Variants in PIK3CD observed in about 807,000 individuals in gnomAD.
PIK3CD encodes the protein phosphatidylinositol 4,5-bisphosphate 3-kinase catalytic subunit delta isoform.
In PIK3CD, 20 loss-of-function variants were observed where a neutral mutation model predicts 122.9. The ratio of observed to expected loss-of-function variants is 0.16; its 90% CI spans 0.11 to 0.24. The LOEUF is 0.24. Ranked by LOEUF, PIK3CD falls within the 10% of genes least tolerant of loss-of-function variation. The probability of loss-of-function intolerance (pLI) is 1.00; values close to 1 mark genes in which losing one functional copy is unlikely to be tolerated. For missense variants in PIK3CD, 787 were observed against 1,406.3 expected, an observed-to-expected ratio of 0.56 and a Z score of 7.04; for synonymous variants, 596 against 593.4, an observed-to-expected ratio of 1.00 and a Z score of -0.06.
In PIK3CD at chr1:9,686,085, G is replaced by C. The variant is rs556449690; in HGVS notation, c.-137-5382G>C. Among the ~76,000 whole-genome samples, 7 of 152,304 alleles carry C rather than the reference G, an allele frequency of 4.6e-5. No individual in the cohort carries two copies. In the East Asian group the frequency reaches 1.3e-3, roughly 29 times the overall value. On this transcript the variant is annotated intron_variant, in intron 1 of 23. Transcript: ENST00000377346. ...CACACATCACAAAGTGTCAGGAGAG[G>C]GAGAAGTGACTGATGCAGCAAATAC... is the stretch of plus-strand genomic sequence containing the variant.
At chr1:9,691,339 G>T (rs1646189080) in intron 1 of PIK3CD, 128 bp from the exon 2 acceptor site, 1 of 388,314 alleles carries the variant, frequency 2.6e-6, no homozygotes, top group Admixed American at 4.5e-5. Context: ...TGATTGGTTT[G>T]CAAAAAGGAG....
At chr1:9,633,230 A>G in the PIK3CD span, among the ~76,000 whole-genome samples, 1 of 152,094 alleles carries the variant, frequency 6.6e-6, no homozygotes, top group African/African-American at 2.4e-5. Context: ...AGAGATCACA[A>G]ACCCCAATTT....
the PIK3CD span, among the ~76,000 whole-genome samples, chr1:9,637,146 C>T: frequency 1.3e-5 from 2 of 152,276 alleles, no homozygotes; most frequent in Admixed American, 1.3e-4. Flanking sequence ...ATCTGCCTGT[C>T]TTGGCCTCCC....
At chr1:9,667,534 G>A (rs1485503296) in intron 1 of PIK3CD, among the ~76,000 whole-genome samples, 1 of 150,928 alleles carries the variant, frequency 6.6e-6, no homozygotes, top group African/African-American at 2.4e-5. Context: ...ACGCCACCAC[G>A]CCCGGCTAAT....
chr1:9,677,118 C>T (rs955330898), intron 1 of PIK3CD, among the ~76,000 whole-genome samples: 2 of 152,050 alleles, frequency 1.3e-5, no homozygotes, highest in Admixed American at 6.6e-5. Flanking sequence ...AGCTGACAGC[C>T]GGGTAGGGAA....
intron 2 of PIK3CD, among the ~76,000 whole-genome samples, chr1:9,693,991 A>G (rs533316931): frequency 6.6e-6 from 1 of 152,310 alleles, no homozygotes; most frequent in African/African-American, 2.4e-5. Context: ...AGCAGGTGGC[A>G]GGTTTCCGGC....
intron 1 of PIK3CD, among the ~76,000 whole-genome samples, chr1:9,680,486 G>C (rs779216607): frequency 6.6e-6 from 1 of 151,966 alleles, no homozygotes; most frequent in Non-Finnish European, 1.5e-5. Flanking sequence ...ACTCCAAAAA[G>C]AGATTTCACA....
At chr1:9,656,713 C>T (rs1465997150) in intron 1 of PIK3CD, among the ~76,000 whole-genome samples, 4 of 152,054 alleles carry the variant, frequency 2.6e-5, no homozygotes, top group South Asian at 2.1e-4. Flanking sequence ...GAGGCTGAGG[C>T]GGGTGGATCA....
At chr1:9,726,474 A>T (rs538195997) in intron 23 of PIK3CD, among the ~76,000 whole-genome samples, 30 of 152,188 alleles carry the variant, frequency 2.0e-4, no homozygotes, top group Non-Finnish European at 4.0e-4. Flanking sequence ...ATGCCCCTGC[A>T]CTCCAGCCTG....
At chr1:9,683,558 T>G (rs536434467) in intron 1 of PIK3CD, among the ~76,000 whole-genome samples, 1 of 152,228 alleles carries the variant, frequency 6.6e-6, no homozygotes, top group Admixed American at 6.5e-5. Context: ...GGGTTCTGAT[T>G]CCTGCTCTGT....
intron 1 of PIK3CD, among the ~76,000 whole-genome samples, chr1:9,671,733 A>G (rs1645335240): frequency 6.6e-6 from 1 of 152,176 alleles, no homozygotes; most frequent in Admixed American, 6.5e-5. Flanking sequence ...GACATGAGCC[A>G]CTACATCTGG....
the PIK3CD span, among the ~76,000 whole-genome samples, chr1:9,646,686 C>T: frequency 2.0e-5 from 3 of 152,192 alleles, no homozygotes; most frequent in Non-Finnish European, 4.4e-5. Flanking sequence ...GGTGTGGTGG[C>T]TCACGCCTGT....
the PIK3CD span, among the ~76,000 whole-genome samples, chr1:9,636,643 C>T: frequency 2.0e-3 from 306 of 152,300 alleles, 1 homozygote; most frequent in African/African-American, 7.2e-3. Flanking sequence ...GAGAAGGCAG[C>T]GGCTGGCCCT....
rs536291657 is a variant in PIK3CD, at chr1:9,674,464, G to T, written c.-137-17003G>T. On this transcript the variant is annotated intron_variant, in intron 1 of 23. Coordinates refer to ENST00000377346, the MANE Select transcript of PIK3CD (RefSeq NM_005026.5). ...GGAGGCCAAGGCGGGTAGATCACCT[G>T]AGGTCAGGAGTTCTAGACTGGTCAA... Among the ~76,000 whole-genome samples, 15 of 152,158 alleles carry T rather than the reference G, an allele frequency of 9.9e-5. 1 individual carries two copies. The highest frequency in any genetic ancestry group is 3.4e-3 in the Middle Eastern group (1 of 294).
rs1276578732 is a variant in PIK3CD at position 9,721,971 on chromosome 1, C to T, written c.2056-4C>T. 1 of 1,613,394 alleles carries T rather than the reference C, an allele frequency of 6.2e-7. No homozygotes were observed. The highest frequency in any genetic ancestry group is 8.5e-7 in the Non-Finnish European group (1 of 1,179,992). On this transcript the variant is annotated splice_polypyrimidine_tract_variant and splice_region_variant and intron_variant, in intron 16 of 23. Coordinates refer to ENST00000377346, the MANE Select transcript of PIK3CD (RefSeq NM_005026.5). ...CCACCGCCGCCCTCCCATCTGCCCA[C>T]CAGGGGGAAGCACTGAGCAAACTGA... is the stretch of plus-strand genomic sequence containing the variant.
At position 9,717,126 on chromosome 1, in the gene PIK3CD, G is replaced by A. The variant is rs1052027845; in HGVS notation, c.930+18G>A. On this transcript the variant is annotated intron_variant, in intron 7 of 23. Transcript: ENST00000377346. This position sits in a 1 kb window ranked among gnomAD's most constrained non-coding sequence, Gnocchi z 5.4. ...CGAAGAAGGTGAGATGGCGCCTTCCGCCTCCCCTCTGAGCCACCCCTTCTT... is the reference window on the plus strand; with the variant it reads ...CGAAGAAGGTGAGATGGCGCCTTCCACCTCCCCTCTGAGCCACCCCTTCTT... 15 of 1,613,444 alleles carry A rather than the reference G, an allele frequency of 9.3e-6. No individual in the cohort carries two copies. The highest frequency in any genetic ancestry group is 1.3e-5 in the African/African-American group (1 of 74,910).
At chr1:9,645,017 TTTCTTTTC>T in the PIK3CD span, among the ~76,000 whole-genome samples, 1 of 107,330 alleles carries the variant, frequency 9.3e-6, no homozygotes, top group African/African-American at 5.6e-5. Context: ...TTTCTTTTCT[TTTCTTTTC>T]TTTTTTTTTT....
chr1:9,678,882 T>C (rs766442209), intron 1 of PIK3CD, among the ~76,000 whole-genome samples: 22 of 152,144 alleles, frequency 1.4e-4, no homozygotes, highest in Non-Finnish European at 2.4e-4. Flanking sequence ...TCAGCAAGGA[T>C]CGACTTTCCT....
intron 2 of PIK3CD, among the ~76,000 whole-genome samples, chr1:9,695,853 A>AAAAAG (rs1325528763): frequency 3.3e-5 from 5 of 150,330 alleles, no homozygotes; most frequent in Non-Finnish European, 5.9e-5. Flanking sequence ...CAAAAAAAAA[A>AAAAAG]AAAAGAAAAG....
Sources: allele counts gnomAD v4.1 joint callset (sites outside exome capture counted in the v4.1 genomes callset), GRCh38; gene constraint gnomAD v4.1.1; non-coding constraint Gnocchi (gnomAD v3.1); transcripts MANE v1.5; gene names NCBI Gene and HGNC (gene_info 2026-07-23, HGNC 2026-07-21).